The following NRTN variants were observed in gnomAD, a reference collection of about 807,000 sequenced individuals.
NRTN encodes the protein prepro-neurturin.
Under a neutral mutation model 7.5 loss-of-function variants are expected in NRTN, and 3 were observed. The ratio of observed to expected loss-of-function variants is 0.40; its 90% confidence interval spans 0.18 to 1.03. NRTN has a LOEUF of 1.03. NRTN is among the 50% of genes least tolerant of loss of function. The pLI, the probability that NRTN is intolerant of heterozygous loss-of-function variation, is 0.34. For missense variants in NRTN, 310 were observed against 307.0 expected (o/e 1.01, Z -0.07); for synonymous variants, 157 against 146.6 (o/e 1.07, Z -0.51).
chr19:5,827,927 C>A lies in NRTN; in HGVS notation c.348C>A (p.Gly116=). ...TGGAGGTGCGCGTGAGCGAGCTGGG[C>A]CTGGGCTACGCGTCCGACGAGACGG... is the stretch of plus-strand genomic sequence containing the variant. The part of the protein sequence containing the change: ...RELEVRVSEL[G]LGYASDETVL... Residue 116 remains glycine, a synonymous_variant, in exon 3 of 3, where the codon GGC becomes GGA. Coordinates refer to ENST00000303212, the MANE Select transcript of NRTN (RefSeq NM_004558.5). 6.7e-7 allele frequency: 1 copy of A among 1,481,652 alleles called. No individual in the cohort carries two copies. The highest frequency in any genetic ancestry group is 1.3e-5 in the South Asian group (1 of 77,574). 91.8% of individuals were successfully genotyped at this position (1,481,652 alleles called of 1,614,324 possible).
rs544140172 is a variant in NRTN, at chr19:5,817,960, C to T, written c.-398-5808C>T. Among the ~76,000 whole-genome samples, 97 of 151,716 alleles carry T rather than the reference C, an allele frequency of 6.4e-4. No individual in the cohort carries two copies. The South Asian group carries it at 0.017, about 27-fold the overall frequency. ...GATTACAGGCGCACACTGCCACACC[C>T]GGCTAATTTTTTTTCTTTTTTGAGA... On this transcript the variant is annotated intron_variant, in intron 1 of 2. Transcript: ENST00000303212.
At chr19:5,825,089 G>T (rs974560574) in intron 2 of NRTN, among the ~76,000 whole-genome samples, 3 of 152,096 alleles carry the variant, frequency 2.0e-5, no homozygotes, top group Non-Finnish European at 4.4e-5. Context: ...AGATGGAGCA[G>T]GAGCTAAAAA....
Position 5,823,775 on chromosome 19 carries a change from C to CGCTGCAGCT in NRTN, c.-388_-387insGCAGCTGCT. On this transcript the variant is annotated 5_prime_UTR_variant, in exon 2 of 3. Transcript: ENST00000303212. ...TTCCCCCTGGCTCCTCAGCTGCAGC[C>CGCTGCAGCT]GCTCCGGCCTCCTTGCTGTTCCTGG... 1 of 350,660 alleles carries CGCTGCAGCT rather than the reference C, an allele frequency of 2.9e-6. No homozygotes were observed. The highest frequency in any genetic ancestry group is 5.4e-6 in the Non-Finnish European group (1 of 184,718). 21.7% of individuals were successfully genotyped at this position (350,660 alleles called of 1,614,324 possible).
chr19:5,827,705 CTGCACCCACTGA>C, intron 2 of NRTN, 32 bp from the exon 3 acceptor site: 1 of 837,142 alleles, frequency 1.2e-6, no homozygotes, highest in Non-Finnish European at 1.5e-6. Flanking sequence ...CTCCCACCCC[CTGCACCCACTGA>C]CCCCCCCTCC....
chr19:5,828,110 G>A lies in NRTN; in HGVS notation c.531G>A (p.Leu177=). Residue 177 remains leucine, a synonymous_variant, in exon 3 of 3, where the codon CTG becomes CTA. Transcript: ENST00000303212. The stretch of plus-strand genomic sequence containing the variant: ...CCTACGAGGACGAGGTGTCCTTCCT[G>A]GACGCGCACAGCCGCTACCACACGG... ...PTAYEDEVSF[L]DAHSRYHTVH... 1 of 1,503,370 alleles carries A rather than the reference G, an allele frequency of 6.7e-7. No homozygotes were observed. The allele number at this position is 1,503,370 out of a possible 1,614,324, so 93.1% of individuals were successfully genotyped here.
At position 5,814,184 on chromosome 19, in the gene NRTN, A is replaced by G. The variant is rs116851318; in HGVS notation, c.-399+8733A>G. 2.1e-3 allele frequency among the ~76,000 whole-genome samples: 319 copies of G among 152,270 alleles called. 1 individual carries two copies. The highest frequency in any genetic ancestry group is 3.3e-3 in the Admixed American group (50 of 15,276). ...TCTCAAAGTCAGCCCTGTGCCCTGC[A>G]AAAACTCAGCCGAAGATGTCCCTCT... On this transcript the variant is annotated intron_variant, in intron 1 of 2. Coordinates refer to ENST00000303212, the MANE Select transcript of NRTN (RefSeq NM_004558.5).
chr19:5,806,294 G>T lies in NRTN; in HGVS notation c.-399+843G>T, dbSNP rs1163982132. 6.6e-6 allele frequency among the ~76,000 whole-genome samples: 1 copy of T among 152,092 alleles called. No individual in the cohort carries two copies. The highest frequency in any genetic ancestry group is 1.5e-5 in the Non-Finnish European group (1 of 68,008). ...GCCACCACTGTCCCCTCCCCAGAAC[G>T]CATCCGACCTGCCCACAGGCCTGTG... is the stretch of plus-strand genomic sequence containing the variant. On this transcript the variant is annotated intron_variant, in intron 1 of 2. Transcript: ENST00000303212. The surrounding 1 kb of genome is among the most constrained non-coding windows in gnomAD (Gnocchi z 5.4).
intron 1 of NRTN, among the ~76,000 whole-genome samples, chr19:5,807,483 G>A (rs2056978024): frequency 6.6e-6 from 1 of 152,226 alleles, no homozygotes; most frequent in African/African-American, 2.4e-5. Flanking sequence ...TCCCAAACCA[G>A]CCTTGCACTT....
chr19:5,814,738 C>T (rs2056999946), intron 1 of NRTN, among the ~76,000 whole-genome samples: 1 of 152,252 alleles, frequency 6.6e-6, no homozygotes, highest in Non-Finnish European at 1.5e-5. Context: ...TTGCCTCTCT[C>T]TGAGTCCATT....
chr19:5,827,733 C>A lies in NRTN; in HGVS notation c.170-16C>A. The A allele has an allele frequency of 9.2e-7, 1 of 1,092,448 alleles. No individual in the cohort carries two copies. The highest frequency in any genetic ancestry group is 4.1e-5 in the South Asian group (1 of 24,242). The allele number at this position is 1,092,448 out of a possible 1,614,324, so 67.7% of individuals were successfully genotyped here. A position where few individuals can be genotyped will look rare whatever the true frequency, so the allele number is the denominator to read the frequency against. On this transcript the variant is annotated splice_polypyrimidine_tract_variant and intron_variant, in intron 2 of 2. Coordinates refer to ENST00000303212, the MANE Select transcript of NRTN (RefSeq NM_004558.5). Reference sequence around the variant, plus strand: ...CACCCACTGACCCCCCCTCCTTTCTCTTCCTCCCCTCGCAGACCGTGCACT... The same window carrying A: ...CACCCACTGACCCCCCCTCCTTTCTATTCCTCCCCTCGCAGACCGTGCACT...
chr19:5,807,361 T>C lies in NRTN; in HGVS notation c.-399+1910T>C, dbSNP rs566221730. Among the ~76,000 whole-genome samples the C allele has an allele frequency of 7.2e-4, 110 of 152,266 alleles. 1 individual carries two copies. The highest frequency in any genetic ancestry group is 2.6e-3 in the African/African-American group (109 of 41,548). On this transcript the variant is annotated intron_variant, in intron 1 of 2. Transcript: ENST00000303212. Reference sequence around the variant, plus strand: ...CTGGACTATCTTTGCTGGGGGGCTGTGGGCTTCCTCCGCTGATGCATCTCC... The same window carrying C: ...CTGGACTATCTTTGCTGGGGGGCTGCGGGCTTCCTCCGCTGATGCATCTCC...
chr19:5,809,824 A>T (rs1049439617), intron 1 of NRTN, among the ~76,000 whole-genome samples: 4 of 152,108 alleles, frequency 2.6e-5, no homozygotes, highest in African/African-American at 7.2e-5. Flanking sequence ...AGCAGGTCCT[A>T]CGCCCCTCTC....
chr19:5,824,285 G>C lies in NRTN; in HGVS notation c.120G>C (p.Leu40=). ...GCCTCGGACCTGCGCTGGTCCCCCT[G>C]CACCGCCTGCCTCGAACCCTGGACG... ...SHRLGPALVP[L]HRLPRTLDAR... is the part of the protein sequence containing the mutation. Residue 40 remains leucine, a synonymous_variant, in exon 2 of 3, where the codon CTG becomes CTC. Transcript: ENST00000303212. 1 of 1,609,462 alleles carries C rather than the reference G, an allele frequency of 6.2e-7. No homozygotes were observed. The highest frequency in any genetic ancestry group is 8.5e-7 in the Non-Finnish European group (1 of 1,179,096).
rs1233365788 is a variant in NRTN at position 5,828,116 on chromosome 19, G to A, written c.537G>A (p.Ala179=). Residue 179 remains alanine (A), a synonymous_variant, in exon 3 of 3, where the codon GCG becomes GCA. Coordinates refer to ENST00000303212, the MANE Select transcript of NRTN (RefSeq NM_004558.5). Reference sequence around the variant, plus strand: ...AGGACGAGGTGTCCTTCCTGGACGCGCACAGCCGCTACCACACGGTGCACG... The same window carrying A: ...AGGACGAGGTGTCCTTCCTGGACGCACACAGCCGCTACCACACGGTGCACG... ...AYEDEVSFLD[A]HSRYHTVHEL... 2 of 1,504,322 alleles carry A rather than the reference G, an allele frequency of 1.3e-6. No individual in the cohort carries two copies. The highest frequency in any genetic ancestry group is 8.8e-7 in the Non-Finnish European group (1 of 1,134,162). The allele number at this position is 1,504,322 out of a possible 1,614,324, so 93.2% of individuals were successfully genotyped here.
chr19:5,824,268 C>A lies in NRTN; in HGVS notation c.103C>A (p.Pro35Thr). Reference protein sequence around the residue: ...EGLLLSHRLGPALVPLHRLPR... With the variant: ...EGLLLSHRLGTALVPLHRLPR... ...CCTGCTTCTCAGCCACCGCCTCGGA[C>A]CTGCGCTGGTCCCCCTGCACCGCCT... Residue 35 changes from proline to threonine, a missense_variant, in exon 2 of 3, where the codon CCT (proline) becomes ACT (threonine). Pro to Thr is a conservative substitution (Grantham distance 38). Transcript: ENST00000303212. 1 of 1,611,022 alleles carries A rather than the reference C, an allele frequency of 6.2e-7. No homozygotes were observed.
At chr19:5,814,278 G>C (rs1413218718) in intron 1 of NRTN, among the ~76,000 whole-genome samples, 1 of 152,182 alleles carries the variant, frequency 6.6e-6, no homozygotes, top group African/African-American at 2.4e-5. Context: ...GCAAGAGGAA[G>C]GCACCCATGG....
At chr19:5,824,410 G>T in intron 2 of NRTN, 76 bp downstream of exon 2, 2 of 648,280 alleles carry the variant, frequency 3.1e-6, no homozygotes, top group Non-Finnish European at 4.0e-6. Flanking sequence ...GTGGGAGGTG[G>T]TGGGGGGGTG....
At chr19:5,808,709 G>A (rs1033652173) in intron 1 of NRTN, among the ~76,000 whole-genome samples, 1 of 151,164 alleles carries the variant, frequency 6.6e-6, no homozygotes, top group Non-Finnish European at 1.5e-5. Flanking sequence ...GCCTTTATAC[G>A]TGCAGCTCCC....
At position 5,809,231 on chromosome 19, in the gene NRTN, C is replaced by T. The variant is rs768669712; in HGVS notation, c.-399+3780C>T. On this transcript the variant is annotated intron_variant, in intron 1 of 2. Coordinates refer to ENST00000303212, the MANE Select transcript of NRTN (RefSeq NM_004558.5). ...TGTCGCCCAGACTAGAGTGCAGTGG[C>T]GCAATCATAGCTCATTGCAGCCTCC... 1.1e-4 allele frequency among the ~76,000 whole-genome samples: 17 copies of T among 149,560 alleles called. No individual in the cohort carries two copies. In the East Asian group the frequency reaches 1.2e-3, roughly 10 times the overall value.
Sources: allele counts gnomAD v4.1 joint callset (sites outside exome capture counted in the v4.1 genomes callset), GRCh38; gene constraint gnomAD v4.1.1; non-coding constraint Gnocchi (gnomAD v3.1); transcripts MANE v1.5; gene names NCBI Gene and HGNC (gene_info 2026-07-23, HGNC 2026-07-21).